The following DDX10 variants were observed in gnomAD, a reference collection of about 807,000 sequenced individuals.
DDX10 encodes the protein DEAD-box helicase 10.
DDX10 carries 74 observed loss-of-function variants against 104.3 expected under a neutral mutation model. That is an observed-to-expected ratio of 0.71 (90% CI 0.59 to 0.86). The LOEUF (loss-of-function observed/expected upper bound fraction) is 0.86, where lower values mean the gene tolerates loss of function less well. Ranked by LOEUF, DDX10 falls within the 40% of genes least tolerant of loss-of-function variation. DDX10 has a pLI of 0.00. For missense variants in DDX10, 952 were observed against 1,040.0 expected (o/e 0.92, Z 1.16); for synonymous variants, 351 against 353.4 (o/e 0.99, Z 0.08).
At chr11:108,899,139 T>C (rs1365846799) in intron 16 of DDX10, among the ~76,000 whole-genome samples, 1 of 152,208 alleles carries the variant, frequency 6.6e-6, no homozygotes, top group Admixed American at 6.5e-5. Context: ...ACTTTTCAAC[T>C]GCCTGTAGTT....
chr11:108,671,226 C>T (rs1476522558), intron 1 of DDX10, among the ~76,000 whole-genome samples: 1 of 152,212 alleles, frequency 6.6e-6, no homozygotes, highest in African/African-American at 2.4e-5. Flanking sequence ...TGCAGTGGCT[C>T]TATCTCTGCT....
chr11:108,710,827 T>A (rs1001615440), intron 10 of DDX10, among the ~76,000 whole-genome samples: 5 of 152,338 alleles, frequency 3.3e-5, no homozygotes, highest in African/African-American at 1.2e-4. Context: ...GGCTGCGACA[T>A]CACTAGGTGA....
intron 14 of DDX10, 101 bp downstream of exon 14, chr11:108,838,666 C>G: frequency 2.3e-6 from 3 of 1,330,924 alleles, no homozygotes; most frequent in Non-Finnish European, 3.0e-6. Context: ...GTAAATGTTT[C>G]TCTACAGCAT....
At chr11:108,934,935 C>G (rs1295329625) in intron 17 of DDX10, among the ~76,000 whole-genome samples, 1 of 152,200 alleles carries the variant, frequency 6.6e-6, no homozygotes, top group East Asian at 1.9e-4. Context: ...CCTCTGTTAA[C>G]TCCGCTGGAA....
chr11:108,811,021 A>G (rs533462773), intron 13 of DDX10, among the ~76,000 whole-genome samples: 2 of 152,272 alleles, frequency 1.3e-5, no homozygotes, highest in African/African-American at 4.8e-5. Flanking sequence ...AAACTCTCCA[A>G]GGGAGATGTT....
chr11:108,723,836 A>T (rs1057421616), intron 13 of DDX10, among the ~76,000 whole-genome samples: 2 of 152,130 alleles, frequency 1.3e-5, no homozygotes, highest in East Asian at 1.9e-4. Context: ...AATTATAAGG[A>T]ACAGTTGTAA....
chr11:108,870,218 C>G (rs1863062054), intron 16 of DDX10, among the ~76,000 whole-genome samples: 2 of 152,264 alleles, frequency 1.3e-5, no homozygotes, highest in Admixed American at 1.3e-4. Flanking sequence ...ATCCAAGTCA[C>G]CATAATCTGT....
At chr11:108,921,596 C>T (rs1863826690) in intron 17 of DDX10, 3 of 152,234 alleles carry the variant, frequency 2.0e-5, no homozygotes, top group African/African-American at 7.2e-5. Context: ...AGGTTATTCT[C>T]TGGCTATACA....
intron 13 of DDX10, among the ~76,000 whole-genome samples, chr11:108,777,318 CTCTT>C (rs142134944): frequency 0.013 from 1,972 of 151,938 alleles, 20 homozygotes; most frequent in African/African-American, 0.036. Context: ...TTTTTCTTTT[CTCTT>C]TCTTTCTTTC....
chr11:108,897,125 T>C (rs1863452236), intron 16 of DDX10, among the ~76,000 whole-genome samples: 2 of 152,118 alleles, frequency 1.3e-5, no homozygotes, highest in Admixed American at 6.5e-5. Context: ...AATAAACCTT[T>C]TATGACTTAA....
intron 6 of DDX10, among the ~76,000 whole-genome samples, chr11:108,682,252 C>T (rs2094236434): frequency 6.6e-6 from 1 of 151,962 alleles, no homozygotes; most frequent in Non-Finnish European, 1.5e-5. Flanking sequence ...TTACAGGTGC[C>T]CACCACCATG....
At chr11:108,916,468 C>T (rs893494649) in intron 16 of DDX10, among the ~76,000 whole-genome samples, 62 of 151,978 alleles carry the variant, frequency 4.1e-4, no homozygotes, top group African/African-American at 1.4e-3. Context: ...GTGACTAATT[C>T]TTATGTTTAG....
chr11:108,795,102 T>C (rs532112158), intron 13 of DDX10, among the ~76,000 whole-genome samples: 20 of 152,120 alleles, frequency 1.3e-4, no homozygotes, highest in Non-Finnish European at 2.5e-4. Context: ...TGCTAGGATT[T>C]ACAGGTGTGA....
At chr11:108,802,160 A>G (rs993412535) in intron 13 of DDX10, among the ~76,000 whole-genome samples, 5 of 152,042 alleles carry the variant, frequency 3.3e-5, no homozygotes, top group African/African-American at 7.2e-5. Context: ...TCCAATATGC[A>G]TGGGACCAGA....
At chr11:108,755,848 A>C (rs2094343798) in intron 13 of DDX10, among the ~76,000 whole-genome samples, 1 of 152,016 alleles carries the variant, frequency 6.6e-6, no homozygotes, top group African/African-American at 2.4e-5. Context: ...ACTAGCTCAA[A>C]AAGTTGTTCT....
In DDX10 at chr11:108,687,775, A is replaced by G. The variant is rs1381933204; in HGVS notation, c.849-1161A>G. Among the ~76,000 whole-genome samples, 3 of 152,212 alleles carry G rather than the reference A, an allele frequency of 2.0e-5. No individual in the cohort carries two copies. The East Asian group carries it at 5.8e-4, about 29-fold the overall frequency. On this transcript the variant is annotated intron_variant, in intron 6 of 17. Coordinates refer to ENST00000322536, the MANE Select transcript of DDX10 (RefSeq NM_004398.4). ...TGTGTTTCACAGATCAGAAACATTT[A>G]ATTTTAATGAAGTCCAGCTTATCAA...
At chr11:108,679,654 C>T in intron 6 of DDX10, 94 bp downstream of exon 6, 3 of 948,848 alleles carry the variant, frequency 3.2e-6, no homozygotes, top group Non-Finnish European at 4.6e-6. Context: ...GGAATTAAGA[C>T]ATTCTATGAG....
intron 13 of DDX10, among the ~76,000 whole-genome samples, chr11:108,832,146 A>AT (rs1285961594): frequency 1.3e-5 from 2 of 152,218 alleles, no homozygotes; most frequent in East Asian, 3.9e-4. Context: ...TATATTTTAT[A>AT]TTTTTTGTTA....
chr11:108,759,103 G>T (rs1390772036), intron 13 of DDX10, among the ~76,000 whole-genome samples: 1 of 151,920 alleles, frequency 6.6e-6, no homozygotes, highest in Non-Finnish European at 1.5e-5. Context: ...AATTGTTCTG[G>T]GTTCTGCACT....
Sources: gnomAD v4.1 joint callset for allele counts (sites outside exome capture counted in the v4.1 genomes callset) on GRCh38, gnomAD v4.1.1 for gene constraint, MANE v1.5 for transcripts, NCBI Gene and HGNC (gene_info 2026-07-23, HGNC 2026-07-21) for gene names.